The following NXPH1 variants were observed in gnomAD, a reference collection of about 807,000 sequenced individuals.
NXPH1 encodes the protein neurexophilin 1.
In NXPH1, 5 loss-of-function variants were observed where a neutral mutation model predicts 23.7. That is an observed-to-expected ratio of 0.21 (90% CI 0.11 to 0.44). NXPH1 has a LOEUF of 0.44. NXPH1 is among the 20% of genes least tolerant of loss of function. NXPH1 has a pLI of 0.99. For synonymous variants in NXPH1, 144 were observed against 122.2 expected (o/e 1.18, Z -1.18); for missense variants, 324 against 321.6 (o/e 1.01, Z -0.06).
intron 2 of NXPH1, among the ~76,000 whole-genome samples, chr7:8,736,047 C>G (rs529071527): frequency 1.1e-3 from 173 of 151,908 alleles, no homozygotes; most frequent in Non-Finnish European, 2.1e-3. Flanking sequence ...GTCTTCCTAG[C>G]CATGTATTTT....
chr7:8,551,749 A>G (rs925881251), intron 2 of NXPH1, among the ~76,000 whole-genome samples: 3 of 151,404 alleles, frequency 2.0e-5, no homozygotes, highest in Non-Finnish European at 4.4e-5. Flanking sequence ...CTGAATTCCT[A>G]CAGTGCATTA....
chr7:8,612,567 G>C (rs1376422410), intron 2 of NXPH1, among the ~76,000 whole-genome samples: 1 of 152,024 alleles, frequency 6.6e-6, no homozygotes, highest in Non-Finnish European at 1.5e-5. Context: ...AGTTATAAGA[G>C]AGTCTAATCA....
At chr7:8,500,402 G>A (rs1200719118) in intron 2 of NXPH1, among the ~76,000 whole-genome samples, 2 of 152,056 alleles carry the variant, frequency 1.3e-5, no homozygotes, top group African/African-American at 4.8e-5. Flanking sequence ...TTAGGGTCAG[G>A]CTGCTTGAGT....
intron 2 of NXPH1, among the ~76,000 whole-genome samples, chr7:8,586,738 T>C (rs556051641): frequency 6.6e-6 from 1 of 152,220 alleles, no homozygotes; most frequent in Non-Finnish European, 1.5e-5. Context: ...ACTTTTAACC[T>C]TTTGCATTCC....
chr7:8,696,254 T>C (rs879828958), intron 2 of NXPH1, among the ~76,000 whole-genome samples: 12 of 152,180 alleles, frequency 7.9e-5, no homozygotes, highest in Admixed American at 3.9e-4. Context: ...GAAATCCTAT[T>C]AGAAAAAGGA....
intron 2 of NXPH1, among the ~76,000 whole-genome samples, chr7:8,705,772 A>G (rs527724168): frequency 3.1e-4 from 47 of 152,276 alleles, no homozygotes; most frequent in Middle Eastern, 3.4e-3. Flanking sequence ...TAGCAAGATC[A>G]TCAGTGTATC....
chr7:8,652,346 A>G (rs894686320), intron 2 of NXPH1, among the ~76,000 whole-genome samples: 2 of 152,162 alleles, frequency 1.3e-5, no homozygotes, highest in Non-Finnish European at 2.9e-5. Context: ...TATCTATTTT[A>G]TGTAGAGAAA....
chr7:8,548,925 T>C (rs1818235579), intron 2 of NXPH1, among the ~76,000 whole-genome samples: 1 of 151,490 alleles, frequency 6.6e-6, no homozygotes, highest in Admixed American at 6.6e-5. Context: ...AGTAGTTAAA[T>C]GGTAGTTAAG....
chr7:8,642,029 G>A (rs1250263893), intron 2 of NXPH1, among the ~76,000 whole-genome samples: 1 of 152,128 alleles, frequency 6.6e-6, no homozygotes, highest in Non-Finnish European at 1.5e-5. Flanking sequence ...TGTTACTATG[G>A]AAGTGTCATC....
At chr7:8,534,573 G>A (rs538346932) in intron 2 of NXPH1, among the ~76,000 whole-genome samples, 86 of 152,146 alleles carry the variant, frequency 5.7e-4, no homozygotes, top group Middle Eastern at 3.4e-3. Flanking sequence ...TGTAAAATAG[G>A]GAGAGATGTT....
intron 2 of NXPH1, among the ~76,000 whole-genome samples, chr7:8,663,632 AATT>A (rs1470397590): frequency 3.9e-5 from 6 of 152,082 alleles, no homozygotes; most frequent in Non-Finnish European, 8.8e-5. Context: ...CCCCTTACAA[AATT>A]ATTAACATTA....
At chr7:8,670,968 C>G (rs1344586096) in intron 2 of NXPH1, among the ~76,000 whole-genome samples, 1 of 152,106 alleles carries the variant, frequency 6.6e-6, no homozygotes, top group Non-Finnish European at 1.5e-5. Flanking sequence ...TTGGGATGTA[C>G]TCATCTGCCT....
At chr7:8,627,685 C>T (rs1472440620) in intron 2 of NXPH1, among the ~76,000 whole-genome samples, 1 of 152,066 alleles carries the variant, frequency 6.6e-6, no homozygotes, top group Admixed American at 6.6e-5. Context: ...TGCATTTTGA[C>T]TTTTAAAAGG....
intron 2 of NXPH1, among the ~76,000 whole-genome samples, chr7:8,551,085 T>A (rs913144661): frequency 3.3e-5 from 5 of 151,534 alleles, no homozygotes; most frequent in African/African-American, 7.3e-5. Context: ...CTTAGTTTTT[T>A]AAAAATTCTA....
intron 2 of NXPH1, among the ~76,000 whole-genome samples, chr7:8,650,127 A>C (rs1820467534): frequency 6.6e-6 from 1 of 152,188 alleles, no homozygotes; most frequent in African/African-American, 2.4e-5. Context: ...TTTGATTTAG[A>C]GAAAAAATAG....
At chr7:8,712,792 A>C (rs993213467) in intron 2 of NXPH1, among the ~76,000 whole-genome samples, 1 of 152,206 alleles carries the variant, frequency 6.6e-6, no homozygotes, top group African/African-American at 2.4e-5. Context: ...AGTAAATTGC[A>C]GAGTCAGAAT....
At chr7:8,622,010 T>G (rs774987031) in intron 2 of NXPH1, among the ~76,000 whole-genome samples, 4 of 152,130 alleles carry the variant, frequency 2.6e-5, no homozygotes, top group Admixed American at 6.6e-5. Context: ...TTTATAATGG[T>G]CCTCTGCACA....
intron 2 of NXPH1, among the ~76,000 whole-genome samples, chr7:8,650,771 G>A (rs1040634493): frequency 1.3e-5 from 2 of 152,154 alleles, no homozygotes; most frequent in Non-Finnish European, 1.5e-5. Flanking sequence ...AAAGTGAAAT[G>A]ACAGTGCTGT....
chr7:8,608,467 G>C (rs10254966), intron 2 of NXPH1, among the ~76,000 whole-genome samples: 1,820 of 152,022 alleles, frequency 0.012, 36 homozygotes, highest in African/African-American at 0.042. Context: ...CTCCTGATTA[G>C]CTGGGACTAC....
Sources: gnomAD v4.1 joint callset for allele counts (sites outside exome capture counted in the v4.1 genomes callset) on GRCh38, gnomAD v4.1.1 for gene constraint, MANE v1.5 for transcripts, NCBI Gene and HGNC (gene_info 2026-07-23, HGNC 2026-07-21) for gene names.